COMMD1: variants seen among roughly 807,000 people sequenced by gnomAD.
COMMD1 encodes the protein COMM domain-containing protein 1.
COMMD1 carries 10 observed loss-of-function variants against 17.2 expected under a neutral mutation model. The ratio of observed to expected loss-of-function variants is 0.58; its 90% CI spans 0.36 to 0.99. The LOEUF (loss-of-function observed/expected upper bound fraction) is 0.99, where lower values mean the gene tolerates loss of function less well. Ranked by LOEUF, COMMD1 falls within the 50% of genes least tolerant of loss-of-function variation. The pLI is 0.01. For missense variants in COMMD1, 270 were observed against 231.8 expected (o/e 1.17, Z -1.07); for synonymous variants, 97 against 91.6 (o/e 1.06, Z -0.34).
intron 1 of COMMD1, among the ~76,000 whole-genome samples, chr2:61,946,089 T>A (rs1184696406): frequency 6.6e-6 from 1 of 152,186 alleles, no homozygotes; most frequent in Non-Finnish European, 1.5e-5. Context: ...TTCAGATGGT[T>A]GTGGGAGCCT....
At chr2:62,046,078 A>G (rs983073410) in intron 2 of COMMD1, among the ~76,000 whole-genome samples, 4 of 152,188 alleles carry the variant, frequency 2.6e-5, no homozygotes, top group Admixed American at 6.5e-5. Context: ...AGCTTGGCCT[A>G]TGTCCAGGAA....
chr2:62,025,748 G>C (rs1433496890), intron 2 of COMMD1, among the ~76,000 whole-genome samples: 2 of 152,158 alleles, frequency 1.3e-5, no homozygotes, highest in African/African-American at 4.8e-5. Context: ...GAATACAGTG[G>C]CATGATCTTG....
intron 2 of COMMD1, among the ~76,000 whole-genome samples, chr2:62,034,088 CAAAAAAAAAA>C (rs34439318): frequency 1.8e-4 from 11 of 62,562 alleles, no homozygotes; most frequent in Admixed American, 3.8e-4. Context: ...GACCCTGTCT[CAAAAAAAAAA>C]AAAAAAAAAA....
At chr2:61,900,142 C>T (rs749867093) in intron 1 of COMMD1, among the ~76,000 whole-genome samples, 3 of 152,166 alleles carry the variant, frequency 2.0e-5, no homozygotes, top group Non-Finnish European at 2.9e-5. Flanking sequence ...AAGACACAAA[C>T]CCAAGGAACT....
At chr2:62,083,271 A>G (rs1416490683) in intron 2 of COMMD1, among the ~76,000 whole-genome samples, 1 of 150,756 alleles carries the variant, frequency 6.6e-6, no homozygotes, top group Non-Finnish European at 1.5e-5. Context: ...TCAATTGAGA[A>G]AAAAAAAAAA....
At chr2:62,073,974 G>T (rs1238882209) in intron 2 of COMMD1, among the ~76,000 whole-genome samples, 1 of 152,176 alleles carries the variant, frequency 6.6e-6, no homozygotes, top group African/African-American at 2.4e-5. Context: ...TAGGATTAAA[G>T]GCATGAGCCA....
At chr2:62,000,670 A>T (rs773343649) in intron 1 of COMMD1, 31 bp from the exon 2 acceptor site, 1 of 1,610,198 alleles carries the variant, frequency 6.2e-7, no homozygotes, top group East Asian at 2.2e-5. Flanking sequence ...TATTTAATTC[A>T]AATTTTTTGC....
intron 2 of COMMD1, among the ~76,000 whole-genome samples, chr2:62,075,699 G>T (rs1352540979): frequency 6.6e-6 from 1 of 152,092 alleles, no homozygotes; most frequent in Non-Finnish European, 1.5e-5. Context: ...TAGACCTCTG[G>T]CTCCCACCCC....
At chr2:62,027,790 C>G (rs905253288) in intron 2 of COMMD1, among the ~76,000 whole-genome samples, 2 of 152,116 alleles carry the variant, frequency 1.3e-5, no homozygotes, top group Non-Finnish European at 2.9e-5. Flanking sequence ...CCTCCCACCT[C>G]AGTCTCATGA....
intron 2 of COMMD1, among the ~76,000 whole-genome samples, chr2:62,033,183 T>TA (rs936178708): frequency 4.6e-5 from 7 of 151,460 alleles, no homozygotes; most frequent in African/African-American, 1.5e-4. Flanking sequence ...TGTACTAGCT[T>TA]AAAAAAAAAG....
At chr2:61,950,729 C>G (rs1572994286) in intron 1 of COMMD1, among the ~76,000 whole-genome samples, 1 of 152,164 alleles carries the variant, frequency 6.6e-6, no homozygotes, top group African/African-American at 2.4e-5. Flanking sequence ...GACCTGATAA[C>G]TGAGAAGGCT....
intron 2 of COMMD1, among the ~76,000 whole-genome samples, chr2:62,041,746 G>C (rs1670209167): frequency 6.6e-6 from 1 of 152,206 alleles, no homozygotes; most frequent in African/African-American, 2.4e-5. Context: ...AGTTCTTAAA[G>C]ATGGTGTGTC....
chr2:62,055,804 C>G (rs1042418139), intron 2 of COMMD1, among the ~76,000 whole-genome samples: 6 of 152,142 alleles, frequency 3.9e-5, no homozygotes, highest in African/African-American at 1.4e-4. Context: ...TCAGCTAGCA[C>G]CATAAGTAGT....
At chr2:61,970,682 C>T (rs1308428079) in intron 1 of COMMD1, among the ~76,000 whole-genome samples, 3 of 152,112 alleles carry the variant, frequency 2.0e-5, no homozygotes, top group Non-Finnish European at 4.4e-5. Flanking sequence ...ATATGACTTA[C>T]TAGAAATACC....
At chr2:62,042,121 G>A (rs1239277756) in intron 2 of COMMD1, among the ~76,000 whole-genome samples, 7 of 152,162 alleles carry the variant, frequency 4.6e-5, no homozygotes, top group African/African-American at 1.7e-4. Context: ...TGGTCTGTTT[G>A]ACAGAGCGCT....
intron 2 of COMMD1, among the ~76,000 whole-genome samples, chr2:62,026,953 T>G (rs1381683172): frequency 6.6e-6 from 1 of 152,200 alleles, no homozygotes; most frequent in Non-Finnish European, 1.5e-5. Context: ...CATGATTCTT[T>G]TTTGGGTTTC....
intron 2 of COMMD1, among the ~76,000 whole-genome samples, chr2:62,128,125 C>T (rs1342097338): frequency 6.6e-6 from 1 of 150,510 alleles, no homozygotes; most frequent in Non-Finnish European, 1.5e-5. Flanking sequence ...ATCAGAAATT[C>T]AAGACTAGCC....
At chr2:61,933,772 C>CTTTT (rs61702772) in intron 1 of COMMD1, among the ~76,000 whole-genome samples, 2 of 148,584 alleles carry the variant, frequency 1.3e-5, no homozygotes, top group African/African-American at 2.5e-5. Context: ...TTCTTTTTTT[C>CTTTT]TTTTTTTTGA....
intron 2 of COMMD1, among the ~76,000 whole-genome samples, chr2:62,113,851 A>G (rs1433017401): frequency 6.6e-6 from 1 of 152,224 alleles, no homozygotes; most frequent in Admixed American, 6.5e-5. Context: ...TGGAAGTTTC[A>G]TTTTATATTT....
Sources: allele counts gnomAD v4.1 joint callset (sites outside exome capture counted in the v4.1 genomes callset), GRCh38; gene constraint gnomAD v4.1.1; transcripts MANE v1.5; gene names NCBI Gene and HGNC (gene_info 2026-07-23, HGNC 2026-07-21).